The following SLC5A12 variants were observed in gnomAD, a reference collection of about 807,000 sequenced individuals.
SLC5A12 encodes the protein sodium-coupled monocarboxylate transporter 2.
A neutral mutation model predicts 72.7 loss-of-function variants in SLC5A12; 46 were observed. The observed-to-expected ratio is 0.63, with a 90% CI of 0.50 to 0.81. The LOEUF is 0.81. Ranked by LOEUF, SLC5A12 falls within the 30% of genes least tolerant of loss-of-function variation. The pLI, the probability that SLC5A12 is intolerant of heterozygous loss-of-function variation, is 0.00. For synonymous variants in SLC5A12, 275 were observed against 264.4 expected (o/e 1.04, Z -0.39); for missense variants, 683 against 740.7 (o/e 0.92, Z 0.90).
intron 4 of SLC5A12, among the ~76,000 whole-genome samples, chr11:26,707,513 T>TCGA (rs1311015223): frequency 6.6e-6 from 1 of 151,954 alleles, no homozygotes; most frequent in African/African-American, 2.4e-5. Flanking sequence ...CATCTTCTTG[T>TCGA]CTCTCTGTTA....
At chr11:26,683,919 G>A (rs1269747416) in intron 10 of SLC5A12, 76 bp from the exon 11 acceptor site, 2 of 1,166,470 alleles carry the variant, frequency 1.7e-6, no homozygotes, top group East Asian at 2.6e-5. Flanking sequence ...ACCTCTCTTG[G>A]ACCTGGGATA....
intron 14 of SLC5A12, among the ~76,000 whole-genome samples, chr11:26,671,518 C>A (rs1330247326): frequency 6.6e-5 from 10 of 152,076 alleles, no homozygotes; most frequent in Non-Finnish European, 1.3e-4. Flanking sequence ...ATATACCTCT[C>A]ATTTAACCCA....
chr11:26,668,710 G>A lies in SLC5A12; in HGVS notation c.*2392C>T, dbSNP rs1252117614. 1 of 151,922 alleles carries A rather than the reference G, an allele frequency of 6.6e-6. No homozygotes were observed. The highest frequency in any genetic ancestry group is 1.5e-5 in the Non-Finnish European group (1 of 67,966). 9.4% of individuals were successfully genotyped at this position (151,922 alleles called of 1,614,324 possible). A position where few individuals can be genotyped will look rare whatever the true frequency, so the allele number is the denominator to read the frequency against. ...CATGTTTGTTCAATTAAGAAGAATG[G>A]GGGGAGTCTCTACATTGACCTCTAA... On this transcript the variant is annotated 3_prime_UTR_variant, in exon 15 of 15. Coordinates refer to ENST00000396005, the MANE Select transcript of SLC5A12 (RefSeq NM_178498.4).
chr11:26,690,696 T>C (rs916527478), intron 9 of SLC5A12, among the ~76,000 whole-genome samples: 2 of 145,650 alleles, frequency 1.4e-5, no homozygotes, highest in East Asian at 2.0e-4. Flanking sequence ...CACATGCTTG[T>C]AATCCCAGCT....
At position 26,709,317 on chromosome 11, in the gene SLC5A12, T is replaced by C. The variant is rs1271716082; in HGVS notation, c.520A>G (p.Thr174Ala). Reference sequence around the variant, plus strand: ...CTTCACAGCTAGATACATACCAGGGTACAGTAGAATGTGCAAACAATTCCT... The same window carrying C: ...CTTCACAGCTAGATACATACCAGGGCACAGTAGAATGTGCAAACAATTCCT... ...ATGIVCTFYC[T>A]LGGLKAVVWT... The change falls in exon 4 of 15, where the codon ACC (threonine) becomes GCC (alanine). Residue 174 changes from threonine (T) to alanine (A), a missense_variant. By Grantham distance (58) the Thr-to-Ala change is moderately conservative. Coordinates refer to ENST00000396005, the MANE Select transcript of SLC5A12 (RefSeq NM_178498.4). 3.1e-6 allele frequency: 5 copies of C among 1,610,392 alleles called. No individual in the cohort carries two copies. The highest frequency in any genetic ancestry group is 4.2e-6 in the Non-Finnish European group (5 of 1,177,772).
chr11:26,710,750 ACTCTGAGGTTAATATTT>A (rs1329739057), intron 3 of SLC5A12, among the ~76,000 whole-genome samples: 2 of 151,980 alleles, frequency 1.3e-5, no homozygotes, highest in African/African-American at 4.8e-5. Context: ...AACCTCACTG[ACTCTGAGGTTAATATTT>A]CTCAGTATAA....
intron 4 of SLC5A12, among the ~76,000 whole-genome samples, chr11:26,707,320 G>A (rs907634368): frequency 6.6e-6 from 1 of 151,694 alleles, no homozygotes; most frequent in African/African-American, 2.4e-5. Flanking sequence ...CTGCTTTAAG[G>A]TTACACTTTC....
At chr11:26,710,151 A>C (rs1021480462) in intron 3 of SLC5A12, among the ~76,000 whole-genome samples, 1 of 152,014 alleles carries the variant, frequency 6.6e-6, no homozygotes, top group African/African-American at 2.4e-5. Context: ...GTTTGCTGAG[A>C]ATGATGGTTT....
At chr11:26,711,589 T>C (rs1045172335) in intron 2 of SLC5A12, among the ~76,000 whole-genome samples, 1 of 152,076 alleles carries the variant, frequency 6.6e-6, no homozygotes, top group Non-Finnish European at 1.5e-5. Flanking sequence ...GCTACTAATT[T>C]TGAGATATTA....
intron 2 of SLC5A12, among the ~76,000 whole-genome samples, chr11:26,711,754 C>T (rs1855234489): frequency 6.6e-6 from 1 of 151,998 alleles, no homozygotes; most frequent in Non-Finnish European, 1.5e-5. Flanking sequence ...CATATTTTAG[C>T]AGTTTGCTGA....
At chr11:26,709,192 T>G in intron 4 of SLC5A12, 120 bp downstream of exon 4, 1 of 645,504 alleles carries the variant, frequency 1.5e-6, no homozygotes, top group Admixed American at 2.7e-5. Context: ...TAAGCCGACA[T>G]ACTTCTGCTT....
chr11:26,716,814 T>C (rs1240442985), intron 1 of SLC5A12, among the ~76,000 whole-genome samples: 1 of 152,176 alleles, frequency 6.6e-6, no homozygotes, highest in Non-Finnish European at 1.5e-5. Context: ...TCAGATTATG[T>C]AAGGAAACTC....
At chr11:26,713,542 A>G (rs6484245) in intron 1 of SLC5A12, among the ~76,000 whole-genome samples, 151,028 of 152,174 alleles carry the variant, frequency 0.99, 74,964 homozygotes, top group Middle Eastern at 1. Flanking sequence ...GAAATTCAAG[A>G]CTTAGATCAT....
intron 4 of SLC5A12, among the ~76,000 whole-genome samples, chr11:26,707,180 T>C (rs1032315708): frequency 6.6e-6 from 1 of 152,036 alleles, no homozygotes; most frequent in Non-Finnish European, 1.5e-5. Context: ...TGGTTTCCAT[T>C]GTTGTTGCTA....
Position 26,667,849 on chromosome 11 carries a change from T to C in SLC5A12, c.*3253A>G, listed in dbSNP as rs185811451. 2 of 152,078 alleles carry C rather than the reference T, an allele frequency of 1.3e-5. No homozygotes were observed. The highest frequency in any genetic ancestry group is 3.9e-4 in the East Asian group (2 of 5,162). The allele number at this position is 152,078 out of a possible 1,614,324, so 9.4% of individuals were successfully genotyped here. A position where few individuals can be genotyped will look rare whatever the true frequency, so the allele number is the denominator to read the frequency against. ...CTGTTTTTCTTATTATTTCTAATTC[T>C]CAAAATAGTAACATATATTCTGATC... On this transcript the variant is annotated 3_prime_UTR_variant, in exon 15 of 15. Coordinates refer to ENST00000396005, the MANE Select transcript of SLC5A12 (RefSeq NM_178498.4).
At chr11:26,675,084 T>TCTC (rs1392397021) in intron 13 of SLC5A12, among the ~76,000 whole-genome samples, 2 of 152,298 alleles carry the variant, frequency 1.3e-5, no homozygotes, top group East Asian at 3.9e-4. Flanking sequence ...TCCAAGGGCA[T>TCTC]CTCTGAATCA....
At chr11:26,686,428 G>A (rs148212977) in intron 10 of SLC5A12, 49 bp downstream of exon 10, 1 of 1,535,406 alleles carries the variant, frequency 6.5e-7, no homozygotes, top group South Asian at 1.1e-5. Flanking sequence ...AAAAGAGAGT[G>A]GGGGGAAGTT....
At chr11:26,683,686 C>T (rs1344506328) in intron 11 of SLC5A12, 71 bp downstream of exon 11, 7 of 1,250,950 alleles carry the variant, frequency 5.6e-6, no homozygotes, top group Middle Eastern at 2.0e-4. Context: ...CTAAACAGGG[C>T]TGAGAGGAGA....
At chr11:26,719,033 T>C (rs887791364) in intron 1 of SLC5A12, among the ~76,000 whole-genome samples, 8 of 152,162 alleles carry the variant, frequency 5.3e-5, no homozygotes, top group African/African-American at 1.9e-4. Flanking sequence ...GAGAATCAAA[T>C]CTCCTCAGTT....
Sources: gnomAD v4.1 joint callset for allele counts (sites outside exome capture counted in the v4.1 genomes callset) on GRCh38, gnomAD v4.1.1 for gene constraint, MANE v1.5 for transcripts, NCBI Gene and HGNC (gene_info 2026-07-23, HGNC 2026-07-21) for gene names.